The following MICU1 variants were observed in gnomAD, a reference collection of about 807,000 sequenced individuals.
MICU1 encodes the protein calcium uptake protein 1, mitochondrial.
MICU1 carries 45 observed loss-of-function variants against 56.8 expected under a neutral mutation model. The observed-to-expected ratio is 0.79, with a 90% CI of 0.62 to 1.02. The LOEUF (loss-of-function observed/expected upper bound fraction) is 1.02. MICU1 is among the 50% of genes least tolerant of loss of function. The pLI is 0.00. For missense variants in MICU1, 504 were observed against 587.1 expected, an observed-to-expected ratio of 0.86 and a Z score of 1.46; for synonymous variants, 186 against 195.1, an observed-to-expected ratio of 0.95 and a Z score of 0.39.
intron 6 of MICU1, among the ~76,000 whole-genome samples, chr10:72,479,769 C>G (rs1303373250): frequency 6.6e-6 from 1 of 152,134 alleles, no homozygotes; most frequent in South Asian, 2.1e-4. Context: ...TCAAATGATC[C>G]TCCTGCCTCA....
At chr10:72,488,491 A>G (rs1866547117) in intron 6 of MICU1, among the ~76,000 whole-genome samples, 1 of 152,192 alleles carries the variant, frequency 6.6e-6, no homozygotes, top group African/African-American at 2.4e-5. Context: ...TGAAGTACAC[A>G]AGTTAGAAAA....
chr10:72,529,476 T>C (rs547989022), intron 5 of MICU1, among the ~76,000 whole-genome samples: 11 of 152,326 alleles, frequency 7.2e-5, no homozygotes, highest in Admixed American at 2.6e-4. Context: ...AATCCAACGT[T>C]GCGGAAATTG....
intron 4 of MICU1, among the ~76,000 whole-genome samples, chr10:72,545,190 G>A (rs1470580116): frequency 6.6e-6 from 1 of 152,036 alleles, no homozygotes; most frequent in African/African-American, 2.4e-5. Flanking sequence ...TCCTGTTCAT[G>A]AGCAAATGAA....
chr10:72,484,820 T>C (rs1866414057), intron 6 of MICU1, among the ~76,000 whole-genome samples: 1 of 152,208 alleles, frequency 6.6e-6, no homozygotes, highest in Non-Finnish European at 1.5e-5. Flanking sequence ...CAACAGAAGA[T>C]ATTCTCAGAC....
intron 8 of MICU1, among the ~76,000 whole-genome samples, chr10:72,468,229 C>T (rs1357099917): frequency 6.6e-6 from 1 of 151,488 alleles, no homozygotes; most frequent in Non-Finnish European, 1.5e-5. Context: ...TAGATAATAC[C>T]TTTTCAGTGT....
At chr10:72,394,534 G>A (rs942307792) in intron 10 of MICU1, among the ~76,000 whole-genome samples, 5 of 151,960 alleles carry the variant, frequency 3.3e-5, no homozygotes, top group Non-Finnish European at 5.9e-5. Flanking sequence ...GCTGGGGCAG[G>A]AGAATCACTG....
At chr10:72,410,949 G>T (rs772587976) in intron 9 of MICU1, among the ~76,000 whole-genome samples, 160 of 152,280 alleles carry the variant, frequency 1.1e-3, no homozygotes, top group Non-Finnish European at 1.7e-3. Context: ...ACACATAAAG[G>T]TGGAGGCAAC....
intron 8 of MICU1, 35 bp from the exon 9 acceptor site, chr10:72,423,406 A>G: frequency 6.2e-7 from 1 of 1,603,840 alleles, no homozygotes; most frequent in East Asian, 2.2e-5. Flanking sequence ...TCCTAGGGTC[A>G]ATGGAAAGTA....
intron 5 of MICU1, among the ~76,000 whole-genome samples, chr10:72,523,376 T>C (rs968065864): frequency 1.6e-4 from 24 of 152,202 alleles, no homozygotes; most frequent in African/African-American, 4.8e-5. Flanking sequence ...GATAATGGAA[T>C]CGTCTATACG....
intron 5 of MICU1, among the ~76,000 whole-genome samples, chr10:72,520,922 T>A (rs1289548969): frequency 2.0e-5 from 3 of 152,136 alleles, no homozygotes; most frequent in Admixed American, 6.6e-5. Context: ...GCATACTAGC[T>A]TCAAAGCAGC....
At chr10:72,508,995 A>T (rs924506209) in intron 5 of MICU1, among the ~76,000 whole-genome samples, 1 of 152,198 alleles carries the variant, frequency 6.6e-6, no homozygotes, top group African/African-American at 2.4e-5. Context: ...TAAATCTCAC[A>T]AAGAAAGTTA....
At chr10:72,549,909 G>A (rs1409838304) in intron 4 of MICU1, among the ~76,000 whole-genome samples, 1 of 108,084 alleles carries the variant, frequency 9.3e-6, no homozygotes, top group Admixed American at 1.1e-4. Context: ...CAGCCTGGGT[G>A]ACAAGAATGA....
At chr10:72,455,325 G>C (rs1865424742) in intron 8 of MICU1, among the ~76,000 whole-genome samples, 1 of 137,266 alleles carries the variant, frequency 7.3e-6, no homozygotes, top group African/African-American at 2.8e-5. Flanking sequence ...ACTCCAGCCT[G>C]GGAAACAAGA....
At chr10:72,538,934 A>G (rs2152475) in intron 4 of MICU1, among the ~76,000 whole-genome samples, 14,527 of 152,114 alleles carry the variant, frequency 0.096, 2,296 homozygotes, top group African/African-American at 0.33. Flanking sequence ...ACCAAAAGAG[A>G]GCAGGAGTAG....
At chr10:72,603,982 G>A (rs11000366) in intron 1 of MICU1, among the ~76,000 whole-genome samples, 1 of 152,114 alleles carries the variant, frequency 6.6e-6, no homozygotes, top group African/African-American at 2.4e-5. Context: ...TCAACACTCT[G>A]AGTTGATGAC....
chr10:72,440,076 G>A (rs1439253013), intron 8 of MICU1, among the ~76,000 whole-genome samples: 2 of 152,126 alleles, frequency 1.3e-5, no homozygotes, highest in Non-Finnish European at 2.9e-5. Flanking sequence ...ACAAAAAAAA[G>A]AGCCTGCATA....
chr10:72,579,373 C>G (rs1250505503), intron 1 of MICU1, among the ~76,000 whole-genome samples: 1 of 152,054 alleles, frequency 6.6e-6, no homozygotes, highest in Non-Finnish European at 1.5e-5. Flanking sequence ...GGTAAGGCAG[C>G]GCCCTTTGAC....
rs1317929455 is a variant in MICU1, at chr10:72,561,896, C to T, written c.330+999G>A. ...AAAGAACTCTTCTTGCAAACACAAA[C>T]CACAAACACACAAAACGCAGAAATA... On this transcript the variant is annotated intron_variant, in intron 3 of 11. Transcript: ENST00000361114. Among the ~76,000 whole-genome samples, 6 of 152,188 alleles carry T rather than the reference C, an allele frequency of 3.9e-5. No individual in the cohort carries two copies. The South Asian group carries it at 6.2e-4, about 16-fold the overall frequency.
intron 1 of MICU1, among the ~76,000 whole-genome samples, chr10:72,609,538 T>G (rs1423398370): frequency 2.0e-5 from 3 of 147,006 alleles, no homozygotes; most frequent in South Asian, 2.2e-4. Context: ...ATCGAGACCA[T>G]CCTGGCTAAC....
Sources: gnomAD v4.1 joint callset for allele counts (sites outside exome capture counted in the v4.1 genomes callset) on GRCh38, gnomAD v4.1.1 for gene constraint, MANE v1.5 for transcripts, NCBI Gene and HGNC (gene_info 2026-07-23, HGNC 2026-07-21) for gene names.